Variants in PDE4D observed in about 807,000 individuals in gnomAD.
PDE4D encodes the protein 3',5'-cyclic-AMP phosphodiesterase 4D.
A neutral mutation model predicts 87.4 loss-of-function variants in PDE4D; 24 were observed. The ratio of observed to expected loss-of-function variants is 0.27; its 90% CI spans 0.20 to 0.39. PDE4D has a LOEUF of 0.39. Among genes scored for constraint, PDE4D ranks in the 10% least tolerant of loss-of-function variants. PDE4D has a pLI of 1.00. For synonymous variants in PDE4D, 384 were observed against 383.2 expected, an observed-to-expected ratio of 1.00 and a Z score of -0.02; for missense variants, 714 against 1,041.0, an observed-to-expected ratio of 0.69 and a Z score of 4.32.
intron 7 of PDE4D, 84 bp from the exon 8 acceptor site, chr5:58,992,088 GA>G: frequency 1.2e-6 from 1 of 834,030 alleles, no homozygotes. Flanking sequence ...GATTATAATT[GA>G]TCATTATATA....
At chr5:59,329,603 A>G (rs183269397) in intron 1 of PDE4D, among the ~76,000 whole-genome samples, 364 of 152,330 alleles carry the variant, frequency 2.4e-3, no homozygotes, top group Non-Finnish European at 4.1e-3. Flanking sequence ...ACAATACTTT[A>G]GGTATCAAAA....
At chr5:59,373,868 C>A (rs1784318301) in intron 1 of PDE4D, among the ~76,000 whole-genome samples, 1 of 152,092 alleles carries the variant, frequency 6.6e-6, no homozygotes, top group Admixed American at 6.5e-5. Flanking sequence ...AGATTGAGGG[C>A]CAATATTCAC....
At chr5:59,900,212 C>G (rs1752092061) in intron 3 of PDE4D, among the ~76,000 whole-genome samples, 1 of 147,836 alleles carries the variant, frequency 6.8e-6, no homozygotes, top group Non-Finnish European at 1.5e-5. Flanking sequence ...TGCACTCTAA[C>G]CCAGGCAATA....
At chr5:59,283,281 A>T (rs1014713813) in intron 1 of PDE4D, among the ~76,000 whole-genome samples, 6 of 152,164 alleles carry the variant, frequency 3.9e-5, no homozygotes, top group African/African-American at 1.4e-4. Context: ...ATTTGATTTA[A>T]AATAATTGGT....
rs868327990 is a variant in PDE4D at position 59,144,901 on chromosome 5, G to T, written c.808+35694C>A. Among the ~76,000 whole-genome samples the T allele has an allele frequency of 2.7e-4, 37 of 139,294 alleles. 1 individual carries two copies. The highest frequency in any genetic ancestry group is 2.0e-3 in the East Asian group (8 of 4,048). 91.4% of individuals were successfully genotyped at this position (139,294 alleles called of 152,430 possible). On this transcript the variant is annotated intron_variant, in intron 5 of 14. Coordinates refer to ENST00000340635, the MANE Select transcript of PDE4D (RefSeq NM_001104631.2). Reference sequence around the variant, plus strand: ...TTAATAGGGTTTAATGGGGGGGGGGGGGGGAACCATCCAGAAGCTGATTGT... The same window carrying T: ...TTAATAGGGTTTAATGGGGGGGGGGTGGGGAACCATCCAGAAGCTGATTGT...
At chr5:60,107,827 C>T (rs1388966194) in intron 2 of PDE4D, among the ~76,000 whole-genome samples, 1 of 152,114 alleles carries the variant, frequency 6.6e-6, no homozygotes, top group African/African-American at 2.4e-5. Flanking sequence ...GCTAAAAAAT[C>T]TCAATAAATT....
chr5:59,493,215 T>C (rs573440420), intron 1 of PDE4D, among the ~76,000 whole-genome samples: 6 of 152,278 alleles, frequency 3.9e-5, no homozygotes, highest in African/African-American at 1.4e-4. Flanking sequence ...AAAAGACTAT[T>C]CTAAAAAGAA....
intron 1 of PDE4D, among the ~76,000 whole-genome samples, chr5:59,284,659 C>A (rs1766533080): frequency 7.8e-6 from 1 of 128,958 alleles, no homozygotes. Context: ...TGTGGCGATT[C>A]CTCAGGGATC....
rs575492388 is a variant in PDE4D at position 60,480,254 on chromosome 5, A to C, written c.-90+7688T>G. ...TAGAAGTTTTGAAACTGACTGAATA[A>C]ACTTCAGCTATCTAGAAAATATATT... On this transcript the variant is annotated intron_variant, in intron 1 of 16. Coordinates refer to the PDE4D transcript ENST00000502484. Among the ~76,000 whole-genome samples, 293 of 152,300 alleles carry C rather than the reference A, an allele frequency of 1.9e-3. 1 individual carries two copies. The highest frequency in any genetic ancestry group is 4.0e-3 in the Admixed American group (61 of 15,296).
chr5:59,867,405 C>T (rs1489370601), intron 1 of PDE4D, among the ~76,000 whole-genome samples: 1 of 151,988 alleles, frequency 6.6e-6, no homozygotes, highest in Non-Finnish European at 1.5e-5. Context: ...ACATTGCTTT[C>T]ACTTATTTAA....
At chr5:59,260,718 C>T (rs373847831) in intron 1 of PDE4D, among the ~76,000 whole-genome samples, 1 of 149,384 alleles carries the variant, frequency 6.7e-6, no homozygotes, top group East Asian at 2.0e-4. Flanking sequence ...AGTGAAAAAC[C>T]AAAAAAAACA....
At chr5:60,129,826 G>C (rs1428462305) in intron 2 of PDE4D, among the ~76,000 whole-genome samples, 1 of 152,104 alleles carries the variant, frequency 6.6e-6, no homozygotes, top group East Asian at 1.9e-4. Context: ...TCAAAATGTA[G>C]CTAGAACAGA....
chr5:60,369,201 C>G lies in PDE4D; in HGVS notation c.-90+118741G>C, dbSNP rs370192278. Among the ~76,000 whole-genome samples the G allele has an allele frequency of 2.0e-5, 3 of 152,074 alleles. No individual in the cohort carries two copies. The South Asian group carries it at 6.3e-4, about 32-fold the overall frequency. ...TCCACTCTCCCTCCACTCTGGCCAC[C>G]AGCCTGACAGCACAGATGTTTTTCT... is the stretch of plus-strand genomic sequence containing the variant. On this transcript the variant is annotated intron_variant, in intron 1 of 16. Transcript: ENST00000502484.
intron 1 of PDE4D, among the ~76,000 whole-genome samples, chr5:59,878,154 A>G (rs1748888306): frequency 6.6e-6 from 1 of 152,230 alleles, no homozygotes; most frequent in Admixed American, 6.5e-5. Flanking sequence ...GTTAGTTTTC[A>G]TCTTTTTCAG....
At chr5:59,934,674 G>A (rs1756372958) in intron 3 of PDE4D, among the ~76,000 whole-genome samples, 1 of 152,160 alleles carries the variant, frequency 6.6e-6, no homozygotes, top group African/African-American at 2.4e-5. Flanking sequence ...TGCAGAGGAG[G>A]GACCAATCAC....
At chr5:60,133,279 T>C (rs994378546) in intron 2 of PDE4D, among the ~76,000 whole-genome samples, 7 of 152,184 alleles carry the variant, frequency 4.6e-5, no homozygotes, top group African/African-American at 1.7e-4. Flanking sequence ...CACCTAGATA[T>C]GGGTTAGAGT....
At chr5:59,781,556 G>A (rs1295898210) in intron 1 of PDE4D, among the ~76,000 whole-genome samples, 1 of 152,124 alleles carries the variant, frequency 6.6e-6, no homozygotes, top group African/African-American at 2.4e-5. Context: ...GGGAGGCCAA[G>A]GCAGGTGGAT....
chr5:59,861,237 C>T (rs993494341), intron 1 of PDE4D, among the ~76,000 whole-genome samples: 1 of 152,030 alleles, frequency 6.6e-6, no homozygotes, highest in Non-Finnish European at 1.5e-5. Flanking sequence ...AAGACAATAA[C>T]CTATATTTAA....
intron 1 of PDE4D, among the ~76,000 whole-genome samples, chr5:59,396,429 A>C (rs1482193223): frequency 2.0e-5 from 2 of 98,374 alleles, no homozygotes; most frequent in African/African-American, 4.9e-5. Context: ...GCCAATATTC[A>C]ACATTCTTAA....
Sources: gnomAD v4.1 joint callset for allele counts (sites outside exome capture counted in the v4.1 genomes callset) on GRCh38, gnomAD v4.1.1 for gene constraint, MANE v1.5 for transcripts, NCBI Gene and HGNC (gene_info 2026-07-23, HGNC 2026-07-21) for gene names.